SHB: variants seen among roughly 807,000 people sequenced by gnomAD.
SHB encodes SH2 domain containing adaptor protein B.
SHB carries 20 observed loss-of-function variants against 52.3 expected under a neutral mutation model. That is an observed-to-expected ratio of 0.38 (90% confidence interval 0.27 to 0.56). SHB has a LOEUF of 0.56. Ranked by LOEUF, SHB falls within the 20% of genes least tolerant of loss-of-function variation. SHB has a pLI of 0.71. For missense variants in SHB, 825 were observed against 723.3 expected (o/e 1.14, Z -1.61); for synonymous variants, 397 against 316.5 (o/e 1.25, Z -2.70).
At position 37,917,664 on chromosome 9, in the gene SHB, G is replaced by C. The variant is rs1371817533; in HGVS notation, c.*2157C>G. 6.6e-6 allele frequency among the ~76,000 whole-genome samples: 1 copy of C among 152,212 alleles called. No individual in the cohort carries two copies. Among genetic ancestry groups the C allele is most frequent in the Non-Finnish European group, 1.5e-5 (1 of 68,042 alleles). On this transcript the variant is annotated 3_prime_UTR_variant, in exon 6 of 6. Coordinates refer to ENST00000377707, the MANE Select transcript of SHB (RefSeq NM_003028.3). The stretch of plus-strand genomic sequence containing the variant: ...CAAGTGCCAACTCCTCACTCATCTT[G>C]TCATTTCCCACCTACCTTCCCACTC...
rs371344879 is a variant in SHB, at chr9:38,031,658, G to A, written c.718-15527C>T. On this transcript the variant is annotated intron_variant, in intron 1 of 5. Transcript: ENST00000377707. ...ACCCTGTGTCCCTTCCGCTTTAAGGGGACATCTGAGACCATCACGGGAGCT... is the reference window on the plus strand; with the variant it reads ...ACCCTGTGTCCCTTCCGCTTTAAGGAGACATCTGAGACCATCACGGGAGCT... 5.9e-5 allele frequency among the ~76,000 whole-genome samples: 9 copies of A among 152,260 alleles called. No homozygotes were observed. The East Asian group carries it at 1.4e-3, about 23-fold the overall frequency.
chr9:37,949,935 T>C (rs1472366324), intron 4 of SHB, among the ~76,000 whole-genome samples: 1 of 152,022 alleles, frequency 6.6e-6, no homozygotes, highest in Non-Finnish European at 1.5e-5. Flanking sequence ...ATGGGAGCAA[T>C]GCTTTTCTTT....
rs912852796 is a variant in SHB at position 37,916,306 on chromosome 9, C to T, written c.*3515G>A. ...CGGGTGTCTGTGGGCCAACACCAAA[C>T]GCCAGCCTGCTCTGCTGGCAGGGCT... is the stretch of plus-strand genomic sequence containing the variant. On this transcript the variant is annotated 3_prime_UTR_variant, in exon 6 of 6. Coordinates refer to ENST00000377707, the MANE Select transcript of SHB (RefSeq NM_003028.3). Among the ~76,000 whole-genome samples the T allele has an allele frequency of 6.6e-6, 1 of 152,382 alleles. No individual in the cohort carries two copies. Among genetic ancestry groups the T allele is most frequent in the East Asian group, 1.9e-4 (1 of 5,190 alleles).
intron 1 of SHB, among the ~76,000 whole-genome samples, chr9:38,052,485 C>T (rs2118169429): frequency 6.6e-6 from 1 of 152,324 alleles, no homozygotes; most frequent in African/African-American, 2.4e-5. Context: ...AAAAATCTAT[C>T]CTCCTGACAA....
At chr9:37,985,851 C>CAGTCACG (rs1820800226) in intron 2 of SHB, among the ~76,000 whole-genome samples, 1 of 151,400 alleles carries the variant, frequency 6.6e-6, no homozygotes, top group African/African-American at 2.4e-5. Context: ...AGTTGGACAG[C>CAGTCACG]AGTGAGCGCC....
At chr9:38,052,393 G>A (rs78338683) in intron 1 of SHB, among the ~76,000 whole-genome samples, 2,373 of 152,256 alleles carry the variant, frequency 0.016, 63 homozygotes, top group African/African-American at 0.054. Context: ...TGTTCCGTCC[G>A]GCTCTGACAG....
chr9:37,967,514 GA>G (rs1264160399), intron 3 of SHB, among the ~76,000 whole-genome samples: 32 of 152,178 alleles, frequency 2.1e-4, no homozygotes, highest in Admixed American at 2.1e-3. Context: ...TAGAAGCACA[GA>G]GGGGAAGGAA....
chr9:38,063,946 T>C (rs1410353125), intron 1 of SHB, among the ~76,000 whole-genome samples: 1 of 152,142 alleles, frequency 6.6e-6, no homozygotes, highest in Non-Finnish European at 1.5e-5. Flanking sequence ...ACTGATGTCA[T>C]GATGCTCCTG....
chr9:37,951,919 C>G (rs1384103949), intron 4 of SHB, among the ~76,000 whole-genome samples: 1 of 152,256 alleles, frequency 6.6e-6, no homozygotes, highest in Non-Finnish European at 1.5e-5. Flanking sequence ...CTACAGCCAA[C>G]TGTTGGGCCC....
intron 2 of SHB, among the ~76,000 whole-genome samples, chr9:38,006,457 C>T (rs1763578433): frequency 6.6e-6 from 1 of 152,214 alleles, no homozygotes; most frequent in Non-Finnish European, 1.5e-5. Flanking sequence ...TAATCTGAGT[C>T]TCCCTGAGCC....
intron 1 of SHB, among the ~76,000 whole-genome samples, chr9:38,040,291 C>T (rs1821557592): frequency 6.6e-6 from 1 of 152,202 alleles, no homozygotes; most frequent in Non-Finnish European, 1.5e-5. Context: ...CAAGTCTTGG[C>T]TGCCTCAAGG....
chr9:38,015,869 T>G (rs1024917061), intron 2 of SHB, 142 bp downstream of exon 2: 15 of 792,016 alleles, frequency 1.9e-5, no homozygotes, highest in Middle Eastern at 3.8e-4. Context: ...GAAGACTTAA[T>G]ACAGCATTGC....
intron 2 of SHB, among the ~76,000 whole-genome samples, chr9:38,007,690 T>C (rs1564100358): frequency 3.9e-5 from 6 of 152,244 alleles, no homozygotes; most frequent in South Asian, 2.1e-4. Context: ...TACCAGGTAC[T>C]TCAGGTTCTA....
chr9:37,983,515 G>A (rs557524954), intron 2 of SHB, among the ~76,000 whole-genome samples: 3 of 152,304 alleles, frequency 2.0e-5, no homozygotes, highest in East Asian at 3.9e-4. Flanking sequence ...GACACAGGCT[G>A]GCACAGACGT....
In SHB at chr9:37,976,082, C is replaced by G. The variant is rs143202617; in HGVS notation, c.839-1245G>C. Among the ~76,000 whole-genome samples, 15 of 152,294 alleles carry G rather than the reference C, an allele frequency of 9.8e-5. No homozygotes were observed. In the East Asian group the frequency reaches 2.9e-3, roughly 29 times the overall value. ...ATGGAGTCTTACTCTGTTACCCAGG[C>G]TGGAGTGCAGTGCTACAATCTCGGC... On this transcript the variant is annotated intron_variant, in intron 2 of 5. Transcript: ENST00000377707.
At chr9:38,063,782 C>CT (rs1264441227) in intron 1 of SHB, among the ~76,000 whole-genome samples, 1 of 148,964 alleles carries the variant, frequency 6.7e-6, no homozygotes, top group Non-Finnish European at 1.5e-5. Context: ...AGTTTAGAAA[C>CT]TGTTTGCTGG....
chr9:38,036,509 C>A (rs1337002347), intron 1 of SHB, among the ~76,000 whole-genome samples: 1 of 152,224 alleles, frequency 6.6e-6, no homozygotes, highest in Non-Finnish European at 1.5e-5. Flanking sequence ...ACCCCCAGAG[C>A]CCTTGGGAAT....
intron 3 of SHB, among the ~76,000 whole-genome samples, chr9:37,967,761 A>T (rs1029401128): frequency 6.6e-6 from 1 of 152,210 alleles, no homozygotes; most frequent in African/African-American, 2.4e-5. Context: ...TCTGTATAAC[A>T]CTTCCTCCAG....
intron 5 of SHB, among the ~76,000 whole-genome samples, chr9:37,927,101 G>A (rs958148748): frequency 5.9e-5 from 9 of 152,256 alleles, no homozygotes; most frequent in African/African-American, 1.9e-4. Context: ...ACGATGCAAG[G>A]CTATCAGGGC....
Sources: gnomAD v4.1 joint callset for allele counts (sites outside exome capture counted in the v4.1 genomes callset) on GRCh38, gnomAD v4.1.1 for gene constraint, MANE v1.5 for transcripts, NCBI Gene and HGNC (gene_info 2026-07-23, HGNC 2026-07-21) for gene names.